CFAP299: variants seen among roughly 807,000 people sequenced by gnomAD.
The protein encoded by CFAP299 is cilia and flagella associated protein 299.
A neutral mutation model predicts 27.0 loss-of-function variants in CFAP299; 21 were observed. The ratio of observed to expected loss-of-function variants is 0.78; its 90% confidence interval spans 0.55 to 1.12. CFAP299 has a LOEUF of 1.12. CFAP299 is among the 50% of genes most tolerant of loss of function. The pLI, the probability that CFAP299 is intolerant of heterozygous loss-of-function variation, is 0.00. For missense variants in CFAP299, 310 were observed against 276.6 expected (o/e 1.12, Z -0.86); for synonymous variants, 104 against 98.1 (o/e 1.06, Z -0.36).
chr4:80,432,590 T>C (rs1198367235), intron 2 of CFAP299, among the ~76,000 whole-genome samples: 1 of 142,002 alleles, frequency 7.0e-6, no homozygotes, highest in African/African-American at 2.6e-5. Context: ...TGGAGTGCAG[T>C]GACTCAACCT....
At position 80,632,574 on chromosome 4, in the gene CFAP299, G is replaced by A. The variant is rs1180682855; in HGVS notation, c.333+49391G>A. Reference sequence around the variant, plus strand: ...TGGGAGAAGTGGACTGCAATACTATGATGGAAATGAAGATATTTAATAATG... The same window carrying A: ...TGGGAGAAGTGGACTGCAATACTATAATGGAAATGAAGATATTTAATAATG... On this transcript the variant is annotated intron_variant, in intron 3 of 5. Coordinates refer to ENST00000358105, the MANE Select transcript of CFAP299 (RefSeq NM_152770.3). Among the ~76,000 whole-genome samples, 3 of 152,098 alleles carry A rather than the reference G, an allele frequency of 2.0e-5. No homozygotes were observed. In the South Asian group the frequency reaches 6.2e-4, roughly 31 times the overall value.
intron 4 of CFAP299, among the ~76,000 whole-genome samples, chr4:80,916,670 C>A (rs1425272264): frequency 3.3e-5 from 5 of 151,932 alleles, no homozygotes; most frequent in Non-Finnish European, 5.9e-5. Context: ...CTATTTCTCC[C>A]ATTTAGCCAC....
intron 3 of CFAP299, among the ~76,000 whole-genome samples, chr4:80,661,263 T>C (rs1446441492): frequency 2.0e-5 from 3 of 150,272 alleles, no homozygotes; most frequent in African/African-American, 7.4e-5. Flanking sequence ...GAGTCGGAGG[T>C]TGCAGTGAGC....
intron 3 of CFAP299, among the ~76,000 whole-genome samples, chr4:80,650,284 C>A (rs368215207): frequency 6.6e-6 from 1 of 151,686 alleles, no homozygotes. Context: ...ATATTTTTAT[C>A]CTACTCTCCA....
intron 3 of CFAP299, among the ~76,000 whole-genome samples, chr4:80,854,809 TG>T (rs1560446368): frequency 8.8e-5 from 6 of 67,888 alleles, no homozygotes; most frequent in African/African-American, 4.8e-4. Flanking sequence ...GCTGTTGCTA[TG>T]AAAAAAAAAA....
chr4:80,636,499 C>G (rs1157275986), intron 3 of CFAP299, among the ~76,000 whole-genome samples: 1 of 152,162 alleles, frequency 6.6e-6, no homozygotes, highest in Non-Finnish European at 1.5e-5. Flanking sequence ...GCTCAAGTGA[C>G]TATAAAAATA....
intron 2 of CFAP299, among the ~76,000 whole-genome samples, chr4:80,455,901 T>C (rs893284582): frequency 6.2e-4 from 94 of 152,082 alleles, no homozygotes; most frequent in African/African-American, 1.9e-3. Context: ...AAAAAATCCA[T>C]GTATCCACAG....
At chr4:80,872,605 G>A (rs549411729) in intron 4 of CFAP299, 1 of 152,190 alleles carries the variant, frequency 6.6e-6, no homozygotes, top group African/African-American at 2.4e-5. Flanking sequence ...CTGCATAAGT[G>A]ATCTGGTTAT....
chr4:80,949,368 T>C (rs954069104), intron 5 of CFAP299, among the ~76,000 whole-genome samples: 3 of 152,068 alleles, frequency 2.0e-5, no homozygotes, highest in African/African-American at 7.2e-5. Flanking sequence ...AAAGAAGAGA[T>C]GATTTTTGAT....
chr4:80,687,711 C>T (rs1025746232), intron 3 of CFAP299, among the ~76,000 whole-genome samples: 10 of 152,164 alleles, frequency 6.6e-5, no homozygotes, highest in East Asian at 1.9e-4. Flanking sequence ...GGAACAGCTC[C>T]GGTCTACAGC....
chr4:80,881,729 G>A (rs954343532), intron 4 of CFAP299, among the ~76,000 whole-genome samples: 1 of 152,138 alleles, frequency 6.6e-6, no homozygotes, highest in Non-Finnish European at 1.5e-5. Flanking sequence ...ATTTAAATAA[G>A]AAAACAATTT....
At chr4:80,443,349 A>G (rs923328460) in intron 2 of CFAP299, among the ~76,000 whole-genome samples, 1 of 152,212 alleles carries the variant, frequency 6.6e-6, no homozygotes, top group Non-Finnish European at 1.5e-5. Flanking sequence ...AGTCACCTTC[A>G]TCCCTGGGAT....
chr4:80,442,621 A>G (rs967608990), intron 2 of CFAP299, among the ~76,000 whole-genome samples: 1 of 152,218 alleles, frequency 6.6e-6, no homozygotes, highest in Non-Finnish European at 1.5e-5. Context: ...TAACATCACA[A>G]TTAAAAGTCA....
At chr4:80,600,479 T>G (rs149613027) in intron 3 of CFAP299, among the ~76,000 whole-genome samples, 13 of 152,260 alleles carry the variant, frequency 8.5e-5, no homozygotes, top group African/African-American at 2.6e-4. Flanking sequence ...CAGTGTACGT[T>G]TATTTTCCAA....
At chr4:80,799,563 A>G (rs1389020069) in intron 3 of CFAP299, among the ~76,000 whole-genome samples, 1 of 69,254 alleles carries the variant, frequency 1.4e-5, no homozygotes, top group Admixed American at 2.8e-4. Flanking sequence ...TATATTTAAT[A>G]AATATATATA....
chr4:80,387,363 G>A, intron 2 of CFAP299: 3 of 1,350,686 alleles, frequency 2.2e-6, no homozygotes, highest in Non-Finnish European at 1.1e-6. Flanking sequence ...TCGTTCTTAT[G>A]CTGGGTCATG....
At chr4:80,914,938 G>A (rs1036308605) in intron 4 of CFAP299, among the ~76,000 whole-genome samples, 2 of 151,920 alleles carry the variant, frequency 1.3e-5, no homozygotes, top group African/African-American at 2.4e-5. Flanking sequence ...TTTCGCAGAT[G>A]TTCATTGTTT....
chr4:80,858,042 T>C (rs983647878), intron 3 of CFAP299, among the ~76,000 whole-genome samples: 1 of 152,102 alleles, frequency 6.6e-6, no homozygotes, highest in African/African-American at 2.4e-5. Context: ...GGTCCTGGAC[T>C]CTTTTTGGTT....
At chr4:80,659,186 A>G (rs1740708948) in intron 3 of CFAP299, among the ~76,000 whole-genome samples, 2 of 152,084 alleles carry the variant, frequency 1.3e-5, no homozygotes, top group Non-Finnish European at 2.9e-5. Context: ...TATAAAATCG[A>G]AAGCAAAACT....
Sources: allele counts gnomAD v4.1 joint callset (sites outside exome capture counted in the v4.1 genomes callset), GRCh38; gene constraint gnomAD v4.1.1; transcripts MANE v1.5; gene names NCBI Gene and HGNC (gene_info 2026-07-23, HGNC 2026-07-21).